MDH1B: variants seen among roughly 807,000 people sequenced by gnomAD.
MDH1B encodes putative malate dehydrogenase 1B.
MDH1B carries 60 observed loss-of-function variants against 61.4 expected under a neutral mutation model. The observed-to-expected ratio is 0.98, with a 90% CI of 0.79 to 1.21. The LOEUF (loss-of-function observed/expected upper bound fraction) is 1.21. Ranked by LOEUF, MDH1B falls within the 50% of genes most tolerant of loss-of-function variation. MDH1B has a pLI of 0.00. For missense variants in MDH1B, 587 were observed against 632.1 expected (o/e 0.93, Z 0.76); for synonymous variants, 236 against 218.7 (o/e 1.08, Z -0.70).
In MDH1B at chr2:206,749,161, C is replaced by A; in HGVS notation, c.1075G>T (p.Val359Leu). The change falls in exon 7 of 12, where the codon GTG becomes TTG. Residue 359 changes from valine (V) to leucine (L), a missense_variant. Val to Leu is a conservative substitution (Grantham distance 32, BLOSUM62 1). Transcript: ENST00000374412. ...FDSEWVKREFVAILKNLTTTG... is the reference protein window; with the variant it reads ...FDSEWVKREFLAILKNLTTTG... The stretch of plus-strand genomic sequence containing the variant: ...GTGGTCAAGTTTTTAAGAATTGCCA[C>A]AAATTCTCTTTTTACCCACTCACTG... 1.9e-6 allele frequency: 3 copies of A among 1,614,034 alleles called. No individual in the cohort carries two copies. Among genetic ancestry groups the A allele is most frequent in the Non-Finnish European group, 2.5e-6 (3 of 1,179,964 alleles).
chr2:206,758,429 T>C lies in MDH1B; in HGVS notation c.136-1058A>G, dbSNP rs144482489. On this transcript the variant is annotated intron_variant, in intron 2 of 11. Coordinates refer to ENST00000374412, the MANE Select transcript of MDH1B (RefSeq NM_001039845.3). ...ACTTGGAGAGAGTAATTAAATAAAA[T>C]AGAAATGCCAGACTTCATGGAAGAC... 2.1e-3 allele frequency among the ~76,000 whole-genome samples: 320 copies of C among 152,162 alleles called. 2 individuals are homozygous for C. The highest frequency in any genetic ancestry group is 7.2e-3 in the African/African-American group (297 of 41,494).
At chr2:206,746,904 G>A (rs1688141467) in intron 7 of MDH1B, among the ~76,000 whole-genome samples, 1 of 152,100 alleles carries the variant, frequency 6.6e-6, no homozygotes, top group Non-Finnish European at 1.5e-5. Context: ...TTTGGTGTGC[G>A]TTTGCTTCAT....
At chr2:206,763,795 C>T (rs1687191983) in intron 1 of MDH1B, among the ~76,000 whole-genome samples, 1 of 152,182 alleles carries the variant, frequency 6.6e-6, no homozygotes, top group Non-Finnish European at 1.5e-5. Context: ...GCCTAAATTG[C>T]TCCCCTCCTT....
At chr2:206,756,119 C>A (rs1688747207) in intron 4 of MDH1B, among the ~76,000 whole-genome samples, 1 of 152,086 alleles carries the variant, frequency 6.6e-6, no homozygotes, top group African/African-American at 2.4e-5. Context: ...CTGGTATTCA[C>A]AGTGGGTTTG....
intron 5 of MDH1B, among the ~76,000 whole-genome samples, chr2:206,752,364 A>G (rs1688501067): frequency 6.6e-6 from 1 of 152,212 alleles, no homozygotes; most frequent in Non-Finnish European, 1.5e-5. Context: ...GAGAGAGGCT[A>G]GCAGAAGAGA....
chr2:206,757,217 A>T lies in MDH1B; in HGVS notation c.270+20T>A. The T allele has an allele frequency of 6.3e-7, 1 of 1,599,290 alleles. No homozygotes were observed. Among genetic ancestry groups the T allele is most frequent in the Non-Finnish European group, 8.5e-7 (1 of 1,173,250 alleles). ...GTAAGAGAATTATCATTATTAGAAC[A>T]GATAAGTTAACTTATATACCTGAGC... On this transcript the variant is annotated intron_variant, in intron 3 of 11. Transcript: ENST00000374412.
intron 2 of MDH1B, among the ~76,000 whole-genome samples, chr2:206,760,503 T>A (rs1356249553): frequency 1.3e-5 from 2 of 152,058 alleles, no homozygotes; most frequent in African/African-American, 4.8e-5. Context: ...CAAGACCACT[T>A]CCCAGTAAAG....
Position 206,757,243 on chromosome 2 carries a change from A to G in MDH1B, c.264T>C (p.His88=), listed in dbSNP as rs1188165826. ...LLGGYNEFLE[H]AQLYYDVTSS... is the part of the protein sequence containing the mutation. ...GATAAGTTAACTTATATACCTGAGC[A>G]TGCTCCAGGAACTCATTATATCCTC... Residue 88 remains histidine (H), a synonymous_variant, in exon 3 of 12, where the codon CAT becomes CAC. Coordinates refer to ENST00000374412, the MANE Select transcript of MDH1B (RefSeq NM_001039845.3). 6.2e-7 allele frequency: 1 copy of G among 1,613,100 alleles called. No individual in the cohort carries two copies. The highest frequency in any genetic ancestry group is 2.2e-5 in the East Asian group (1 of 44,864).
At chr2:206,752,837 T>C (rs1004596999) in intron 5 of MDH1B, among the ~76,000 whole-genome samples, 6 of 149,322 alleles carry the variant, frequency 4.0e-5, no homozygotes, top group Admixed American at 2.0e-4. Context: ...CTTCTTTAAA[T>C]AACTACTCCT....
chr2:206,757,367 C>G lies in MDH1B; in HGVS notation c.140G>C (p.Trp47Ser). 6.2e-7 allele frequency: 1 copy of G among 1,612,430 alleles called. No individual in the cohort carries two copies. Among genetic ancestry groups the G allele is most frequent in the Non-Finnish European group, 8.5e-7 (1 of 1,179,650 alleles). ...ITQRPEVWED[W>S]LKDVCEKNKW... ...ATTCTTTTCACACACATCTTTTAGCCAATCCTGTTGAATGATATCCCAAGT... is the reference window on the plus strand; with the variant it reads ...ATTCTTTTCACACACATCTTTTAGCGAATCCTGTTGAATGATATCCCAAGT... The change falls in exon 3 of 12, where the codon TGG (tryptophan) becomes TCG (serine). Residue 47 changes from tryptophan (W) to serine (S), a missense_variant. Physicochemically the swap from Trp to Ser is radical, Grantham distance 177. Coordinates refer to ENST00000374412, the MANE Select transcript of MDH1B (RefSeq NM_001039845.3).
In MDH1B at chr2:206,746,290, A is replaced by G; in HGVS notation, c.1353T>C (p.Ile451=). 6.2e-7 allele frequency: 1 copy of G among 1,613,024 alleles called. No homozygotes were observed. The highest frequency in any genetic ancestry group is 8.5e-7 in the Non-Finnish European group (1 of 1,179,506). ...QIMTRMTSDL[I]QEKLVALGDK... ...CTTGCATCTATTCTGACATTACCTGAATTAGATCACTTGTCATTCGGGTCA... is the reference window on the plus strand; with the variant it reads ...CTTGCATCTATTCTGACATTACCTGGATTAGATCACTTGTCATTCGGGTCA... Residue 451 remains isoleucine (I), a synonymous_variant, in exon 8 of 12, where the codon ATT becomes ATC. Transcript: ENST00000374412.
chr2:206,761,070 T>C (rs866079000), intron 1 of MDH1B, 57 bp from the exon 2 acceptor site: 5 of 899,350 alleles, frequency 5.6e-6, no homozygotes, highest in South Asian at 4.8e-5. Flanking sequence ...TATTATGTAG[T>C]TCTAAGTATT....
intron 11 of MDH1B, 55 bp from the exon 12 acceptor site, chr2:206,738,566 A>G: frequency 2.3e-6 from 3 of 1,291,842 alleles, no homozygotes; most frequent in East Asian, 2.4e-5. Context: ...TGTTAGTAGC[A>G]TATGTTATTA....
intron 2 of MDH1B, 66 bp from the exon 3 acceptor site, chr2:206,757,437 A>G: frequency 6.6e-7 from 1 of 1,523,838 alleles, no homozygotes; most frequent in Non-Finnish European, 8.9e-7. Flanking sequence ...TTCATACTTT[A>G]GAATTCAAAC....
At chr2:206,758,574 T>A (rs1004878439) in intron 2 of MDH1B, among the ~76,000 whole-genome samples, 2 of 152,048 alleles carry the variant, frequency 1.3e-5, no homozygotes, top group African/African-American at 4.8e-5. Context: ...GAGACAAGCC[T>A]GGTCAACATG....
chr2:206,758,910 C>T (rs1477844495), intron 2 of MDH1B, among the ~76,000 whole-genome samples: 2 of 151,418 alleles, frequency 1.3e-5, no homozygotes, highest in East Asian at 3.9e-4. Context: ...GAGAGGGGTC[C>T]TGGTGTCACT....
At chr2:206,752,673 G>A (rs1045876988) in intron 5 of MDH1B, among the ~76,000 whole-genome samples, 1 of 151,998 alleles carries the variant, frequency 6.6e-6, no homozygotes, top group African/African-American at 2.4e-5. Context: ...AATTGTGCTG[G>A]GTTTCATTTT....
At chr2:206,745,455 T>A in intron 9 of MDH1B, 167 bp downstream of exon 9, 1 of 657,568 alleles carries the variant, frequency 1.5e-6, no homozygotes, top group Non-Finnish European at 2.8e-6. Flanking sequence ...TCTTATGAGA[T>A]GTTTTATTTC....
chr2:206,754,874 A>G, intron 5 of MDH1B, 135 bp downstream of exon 5: 1 of 1,002,734 alleles, frequency 1.0e-6, no homozygotes, highest in Non-Finnish European at 1.4e-6. Context: ...TCACACAATA[A>G]GTTCTTTATG....
Sources: allele counts gnomAD v4.1 joint callset (sites outside exome capture counted in the v4.1 genomes callset), GRCh38; gene constraint gnomAD v4.1.1; transcripts MANE v1.5; gene names NCBI Gene and HGNC (gene_info 2026-07-23, HGNC 2026-07-21).